The following CACNA1G variants were observed in gnomAD, a reference collection of about 807,000 sequenced individuals.
CACNA1G encodes voltage-dependent T-type calcium channel subunit alpha-1G.
CACNA1G carries 67 observed loss-of-function variants against 219.4 expected under a neutral mutation model. That is an observed-to-expected ratio of 0.31 (90% CI 0.25 to 0.37). The LOEUF (loss-of-function observed/expected upper bound fraction) is 0.37, where lower values mean the gene tolerates loss of function less well. Among genes scored for constraint, CACNA1G ranks in the 10% least tolerant of loss-of-function variants. The pLI is 1.00. For synonymous variants in CACNA1G, 1,296 were observed against 1,345.3 expected, an observed-to-expected ratio of 0.96 and a Z score of 0.80; for missense variants, 2,380 against 3,231.4, an observed-to-expected ratio of 0.74 and a Z score of 6.39.
At chr17:50,623,263 A>ATTTTTTTTTTTTTTTTTTTTT (rs35058899) in intron 35 of CACNA1G, among the ~76,000 whole-genome samples, 1 of 50,978 alleles carries the variant, frequency 2.0e-5, no homozygotes, top group Non-Finnish European at 3.2e-5. Flanking sequence ...TATCCAGCTA[A>ATTTTTTTTTTTTTTTTTTTTT]TTTTTTTTTT....
intron 9 of CACNA1G, among the ~76,000 whole-genome samples, chr17:50,581,597 A>AC (rs1013079299): frequency 2.0e-5 from 3 of 151,992 alleles, no homozygotes; most frequent in African/African-American, 4.8e-5. Flanking sequence ...TATATGTGAT[A>AC]CCCCACCCCG....
At position 50,603,989 on chromosome 17, in the gene CACNA1G, A is replaced by G. The variant is rs1027383137; in HGVS notation, c.4170-166A>G. Reference sequence around the variant, plus strand: ...CTGCCACTTGTTTTGAGAGATTACAATAGGGGTCCTGATGGCAGGGGTCCC... The same window carrying G: ...CTGCCACTTGTTTTGAGAGATTACAGTAGGGGTCCTGATGGCAGGGGTCCC... On this transcript the variant is annotated intron_variant, in intron 21 of 37. Coordinates refer to ENST00000359106, the MANE Select transcript of CACNA1G (RefSeq NM_018896.5). This position sits in a 1 kb window ranked among gnomAD's most constrained non-coding sequence, Gnocchi z 6.4. 6.6e-6 allele frequency among the ~76,000 whole-genome samples: 1 copy of G among 152,202 alleles called. No homozygotes were observed. Among genetic ancestry groups the G allele is most frequent in the African/African-American group, 2.4e-5 (1 of 41,424 alleles).
Position 50,621,431 on chromosome 17 carries a change from TGCCTGCCGCA to T in CACNA1G, c.5926-224_5926-215del, listed in dbSNP as rs1263556482. Among the ~76,000 whole-genome samples, 1 of 152,146 alleles carries T rather than the reference TGCCTGCCGCA, an allele frequency of 6.6e-6. No homozygotes were observed. The highest frequency in any genetic ancestry group is 1.5e-5 in the Non-Finnish European group (1 of 68,024). ...GTCAGTGTTTGCTCTGGCTCTTCAG[TGCCTGCCGCA>T]GCCTCTCTGATCAGAGCAGGGGGTT... On this transcript the variant is annotated intron_variant, in intron 34 of 37. Coordinates refer to ENST00000359106, the MANE Select transcript of CACNA1G (RefSeq NM_018896.5). This position sits in a 1 kb window ranked among gnomAD's most constrained non-coding sequence, Gnocchi z 4.6.
In CACNA1G at chr17:50,561,483, G is replaced by C. The variant is rs1170909715; in HGVS notation, c.24G>C (p.Ala8=). MDEEEDG[A]GAEESGQPRS... The stretch of plus-strand genomic sequence containing the variant: ...GGATGGACGAGGAGGAGGATGGAGC[G>C]GGCGCCGAGGAGTCGGGACAGCCCC... The change falls in exon 1 of 38, where the codon GCG becomes GCC. Residue 8 remains alanine, a synonymous_variant. Coordinates refer to ENST00000359106, the MANE Select transcript of CACNA1G (RefSeq NM_018896.5). 2.0e-6 allele frequency: 3 copies of C among 1,534,798 alleles called. No individual in the cohort carries two copies. Among genetic ancestry groups the C allele is most frequent in the Non-Finnish European group, 1.7e-6 (2 of 1,146,548 alleles).
rs1339261226 is a variant in CACNA1G at position 50,596,122 on chromosome 17, G to A, written c.2980-440G>A. Reference sequence around the variant, plus strand: ...CTTTCAATTTCCTTCCAGGGTCCTCGAGTCTGAGGCTCAGGGGAGGGGAGC... The same window carrying A: ...CTTTCAATTTCCTTCCAGGGTCCTCAAGTCTGAGGCTCAGGGGAGGGGAGC... On this transcript the variant is annotated intron_variant, in intron 14 of 37. Coordinates refer to ENST00000359106, the MANE Select transcript of CACNA1G (RefSeq NM_018896.5). The surrounding 1 kb of genome is among the most constrained non-coding windows in gnomAD (Gnocchi z 4.8). Among the ~76,000 whole-genome samples, 1 of 152,150 alleles carries A rather than the reference G, an allele frequency of 6.6e-6. No homozygotes were observed. Among genetic ancestry groups the A allele is most frequent in the Non-Finnish European group, 1.5e-5 (1 of 68,022 alleles).
Position 50,600,619 on chromosome 17 carries a change from G to A in CACNA1G, c.3691-107G>A. The A allele has an allele frequency of 2.2e-6, 2 of 893,360 alleles. No homozygotes were observed. 55.3% of individuals were successfully genotyped at this position (893,360 alleles called of 1,614,324 possible). The stretch of plus-strand genomic sequence containing the variant: ...GAGGCAGGGCAGAGCTTGGGCCCCA[G>A]GTGGGAGAGGGTAGACAAGGAGTGA... On this transcript the variant is annotated intron_variant, in intron 17 of 37. Transcript: ENST00000359106. This position sits in a 1 kb window ranked among gnomAD's most constrained non-coding sequence, Gnocchi z 4.1.
chr17:50,619,428 G>A (rs1391703781), intron 33 of CACNA1G, among the ~76,000 whole-genome samples: 2 of 150,738 alleles, frequency 1.3e-5, no homozygotes, highest in African/African-American at 2.5e-5. Flanking sequence ...CTCTCCCCCC[G>A]CCGTGGGCTC....
At position 50,578,771 on chromosome 17, in the gene CACNA1G, G is replaced by A. The variant is rs114588866; in HGVS notation, c.2301+207G>A. ...CTTAAAGTCTCTGAGTATGGAGGTC[G>A]CCTCAGGTAGGCCACAGGGTATGTT... On this transcript the variant is annotated intron_variant, in intron 9 of 37. Coordinates refer to ENST00000359106, the MANE Select transcript of CACNA1G (RefSeq NM_018896.5). This position sits in a 1 kb window ranked among gnomAD's most constrained non-coding sequence, Gnocchi z 4.5. 1.9e-4 allele frequency among the ~76,000 whole-genome samples: 29 copies of A among 152,148 alleles called. No homozygotes were observed. The highest frequency in any genetic ancestry group is 6.8e-4 in the African/African-American group (28 of 41,404).
rs909077645 is a variant in CACNA1G, at chr17:50,595,019, T to C, written c.2937T>C (p.Ser979=). The change falls in exon 14 of 38, where the codon AGT becomes AGC. Residue 979 remains serine (S), a synonymous_variant. Transcript: ENST00000359106. ...AEEISKREDA[S]GQLSCIQLPV... is the part of the protein sequence containing the mutation. ...AAATCAGCAAACGGGAAGATGCGAG[T>C]GGACAGTTAAGCTGTATTCAGCTGC... The C allele has an allele frequency of 6.4e-7, 1 of 1,554,278 alleles. No homozygotes were observed. The highest frequency in any genetic ancestry group is 1.9e-5 in the Admixed American group (1 of 51,498).
intron 9 of CACNA1G, 85 bp from the exon 10 acceptor site, chr17:50,590,386 C>A: frequency 6.8e-7 from 1 of 1,461,570 alleles, no homozygotes; most frequent in Non-Finnish European, 9.5e-7. Flanking sequence ...CCTGCTCCTC[C>A]TCTCCCTGGT....
At position 50,578,323 on chromosome 17, in the gene CACNA1G, A is replaced by G. The variant is rs778332145; in HGVS notation, c.2060A>G (p.Asp687Gly). The G allele has an allele frequency of 1.2e-6, 2 of 1,613,066 alleles. No homozygotes were observed. Among genetic ancestry groups the G allele is most frequent in the South Asian group, 2.2e-5 (2 of 91,056 alleles). ...EVELADREMPDSDSEAVYEFT... is the reference protein window; with the variant it reads ...EVELADREMPGSDSEAVYEFT... Reference sequence around the variant, plus strand: ...GAGCTCGCCGACCGTGAAATGCCTGACTCAGACAGCGAGGCAGTTTATGAG... The same window carrying G: ...GAGCTCGCCGACCGTGAAATGCCTGGCTCAGACAGCGAGGCAGTTTATGAG... The change falls in exon 9 of 38, where the codon GAC (aspartate) becomes GGC (glycine). Residue 687 changes from aspartate (D) to glycine (G), a missense_variant. Asp to Gly is a moderately conservative substitution (Grantham distance 94). This residue lies in a region of CACNA1G where 434 missense variants were observed against 417.3 expected (regional missense o/e 1.04). Transcript: ENST00000359106. This position sits in a 1 kb window ranked among gnomAD's most constrained non-coding sequence, Gnocchi z 4.5.
At chr17:50,611,312 T>C (rs778102819) in intron 26 of CACNA1G, among the ~76,000 whole-genome samples, 1 of 150,330 alleles carries the variant, frequency 6.7e-6, no homozygotes, top group Non-Finnish European at 1.5e-5. Context: ...CCATGGCTGC[T>C]GCAGGCTTGG....
At chr17:50,609,476 C>A (rs2048712782) in intron 25 of CACNA1G, among the ~76,000 whole-genome samples, 14 of 152,168 alleles carry the variant, frequency 9.2e-5, no homozygotes, top group Admixed American at 9.2e-4. Context: ...CCTGCTCCAT[C>A]CTCCCCACCC....
chr17:50,614,192 G>A (rs902135833), intron 26 of CACNA1G, among the ~76,000 whole-genome samples: 4 of 152,174 alleles, frequency 2.6e-5, no homozygotes, highest in Non-Finnish European at 4.4e-5. Flanking sequence ...CTGTTCAATG[G>A]TCCTGTGCAT....
chr17:50,582,763 A>G (rs947117180), intron 9 of CACNA1G, among the ~76,000 whole-genome samples: 1 of 151,930 alleles, frequency 6.6e-6, no homozygotes, highest in African/African-American at 2.4e-5. Flanking sequence ...GGACAACAGC[A>G]TATGGGGAGA....
At chr17:50,611,748 G>C (rs1156935915) in intron 26 of CACNA1G, among the ~76,000 whole-genome samples, 1 of 152,160 alleles carries the variant, frequency 6.6e-6, no homozygotes, top group Non-Finnish European at 1.5e-5. Context: ...AAACATCCTA[G>C]CACAGGGCTA....
At chr17:50,580,818 C>T (rs987229109) in intron 9 of CACNA1G, among the ~76,000 whole-genome samples, 4 of 152,162 alleles carry the variant, frequency 2.6e-5, no homozygotes, top group East Asian at 1.9e-4. Context: ...AGCTGTCCAG[C>T]GGGCTCAGGG....
intron 1 of CACNA1G, among the ~76,000 whole-genome samples, chr17:50,568,485 C>A (rs746667518): frequency 1.3e-5 from 2 of 152,202 alleles, no homozygotes; most frequent in Non-Finnish European, 2.9e-5. Context: ...CATACAGTAT[C>A]TCATTTGCTT....
chr17:50,604,012 C>A, intron 21 of CACNA1G, 143 bp from the exon 22 acceptor site: 1 of 723,068 alleles, frequency 1.4e-6, no homozygotes, highest in Non-Finnish European at 2.1e-6. Flanking sequence ...TGGCAGGGGT[C>A]CCATGAAAAG....
Sources: gnomAD v4.1 joint callset for allele counts (sites outside exome capture counted in the v4.1 genomes callset) on GRCh38, gnomAD v4.1.1 for gene constraint, gnomAD v4.1.1 regional missense constraint, Gnocchi (gnomAD v3.1) non-coding constraint, MANE v1.5 for transcripts, NCBI Gene and HGNC (gene_info 2026-07-23, HGNC 2026-07-21) for gene names.